Variants in SMAP2 observed in about 807,000 individuals in gnomAD.
The protein encoded by SMAP2 is small ArfGAP2.
A neutral mutation model predicts 56.4 loss-of-function variants in SMAP2; 25 were observed. That is an observed-to-expected ratio of 0.44 (90% CI 0.32 to 0.62). SMAP2 has a LOEUF of 0.62. SMAP2 is among the 20% of genes least tolerant of loss of function. SMAP2 has a pLI of 0.04. For synonymous variants in SMAP2, 157 were observed against 181.7 expected (o/e 0.86, Z 1.09); for missense variants, 388 against 545.6 (o/e 0.71, Z 2.88).
At chr1:40,401,499 T>C (rs1355827947) in intron 1 of SMAP2, among the ~76,000 whole-genome samples, 4 of 152,154 alleles carry the variant, frequency 2.6e-5, no homozygotes, top group African/African-American at 7.2e-5. Flanking sequence ...TCCTCCTCAA[T>C]ATTTATTTGT....
intron 9 of SMAP2, among the ~76,000 whole-genome samples, chr1:40,421,261 T>C (rs942102907): frequency 2.0e-5 from 3 of 152,188 alleles, no homozygotes; most frequent in Non-Finnish European, 4.4e-5. Context: ...AAATAACTTA[T>C]ATAGAAAATT....
At chr1:40,418,226 T>G (rs1350237623) in intron 9 of SMAP2, among the ~76,000 whole-genome samples, 1 of 151,822 alleles carries the variant, frequency 6.6e-6, no homozygotes, top group Non-Finnish European at 1.5e-5. Flanking sequence ...AGAAAAGAAA[T>G]TGAAGAAAAA....
At chr1:40,404,695 A>G (rs907252700) in intron 1 of SMAP2, among the ~76,000 whole-genome samples, 3 of 152,270 alleles carry the variant, frequency 2.0e-5, no homozygotes, top group Admixed American at 6.5e-5. Flanking sequence ...GCTTTAAGAA[A>G]CATGAAATAT....
At chr1:40,399,328 T>TA (rs1390471608) in intron 1 of SMAP2, among the ~76,000 whole-genome samples, 105 of 146,108 alleles carry the variant, frequency 7.2e-4, no homozygotes, top group Middle Eastern at 3.5e-3. Flanking sequence ...TTTTTTTTTT[T>TA]TTTGTATTTT....
At chr1:40,415,525 A>G (rs1644978489) in intron 7 of SMAP2, 144 bp downstream of exon 7, 2 of 679,932 alleles carry the variant, frequency 2.9e-6, no homozygotes, top group Non-Finnish European at 5.2e-6. Context: ...ACATTGTGTC[A>G]TTTCTGTCAC....
At chr1:40,377,458 G>A (rs1318995951) in intron 1 of SMAP2, among the ~76,000 whole-genome samples, 1 of 152,146 alleles carries the variant, frequency 6.6e-6, no homozygotes, top group African/African-American at 2.4e-5. Context: ...TGTGGGAAAG[G>A]AAACTGCTTT....
At chr1:40,384,198 G>A (rs913331781) in intron 1 of SMAP2, among the ~76,000 whole-genome samples, 1 of 152,136 alleles carries the variant, frequency 6.6e-6, no homozygotes, top group African/African-American at 2.4e-5. Flanking sequence ...CACCAAGGCC[G>A]GGCCTCAGCT....
At chr1:40,360,533 C>T (rs1644455527) in intron 1 of SMAP2, among the ~76,000 whole-genome samples, 3 of 150,502 alleles carry the variant, frequency 2.0e-5, no homozygotes, top group Non-Finnish European at 4.4e-5. Flanking sequence ...AAACTTCTGA[C>T]CTCAGGTCAT....
intron 1 of SMAP2, among the ~76,000 whole-genome samples, chr1:40,388,896 C>T (rs919066601): frequency 1.3e-5 from 2 of 152,112 alleles, no homozygotes; most frequent in Admixed American, 1.3e-4. Flanking sequence ...CCAGCGAGAC[C>T]ACGAACCCAC....
chr1:40,345,966 C>CTT (rs71060369), intron 1 of SMAP2, among the ~76,000 whole-genome samples: 6,626 of 35,260 alleles, frequency 0.19, 2,850 homozygotes, highest in Non-Finnish European at 0.4. Flanking sequence ...ATTTCTATCA[C>CTT]TTTTTTTTTT....
intron 1 of SMAP2, among the ~76,000 whole-genome samples, chr1:40,351,871 C>T (rs987519994): frequency 1.3e-5 from 2 of 151,994 alleles, no homozygotes; most frequent in African/African-American, 4.8e-5. Context: ...CTCTTGGCCT[C>T]AAGTGATCTA....
chr1:40,415,415 A>G, intron 7 of SMAP2, 34 bp downstream of exon 7: 1 of 1,334,608 alleles, frequency 7.5e-7, no homozygotes, highest in South Asian at 1.2e-5. Flanking sequence ...ATTAAAGAAC[A>G]TTCTGAAATG....
intron 1 of SMAP2, among the ~76,000 whole-genome samples, chr1:40,350,697 T>A (rs1644406402): frequency 6.6e-6 from 1 of 152,204 alleles, no homozygotes; most frequent in African/African-American, 2.4e-5. Flanking sequence ...CAAGGGCCTC[T>A]TGTGTCTATT....
intron 1 of SMAP2, among the ~76,000 whole-genome samples, chr1:40,397,590 C>T (rs751174287): frequency 3.3e-5 from 5 of 152,036 alleles, no homozygotes; most frequent in East Asian, 1.9e-4. Context: ...TGCTTATTGA[C>T]GAATTCATTT....
intron 6 of SMAP2, 84 bp from the exon 7 acceptor site, chr1:40,415,188 C>A: frequency 2.0e-6 from 2 of 1,004,592 alleles, no homozygotes; most frequent in Non-Finnish European, 3.1e-6. Flanking sequence ...AGCTTATGGG[C>A]CACCTTTGCT....
chr1:40,349,526 C>G (rs756339666), intron 1 of SMAP2, among the ~76,000 whole-genome samples: 1 of 151,884 alleles, frequency 6.6e-6, no homozygotes. Context: ...TTTTTTCTTT[C>G]TTTTTTCTTT....
rs950657587 is a variant in SMAP2, at chr1:40,386,948, G to C, written c.103+12725G>C. ...CTCAGCTCACTGCAGCCTCTATCAG[G>C]CTTAAGCAGTTCTTCTGTCTCAGCC... is the stretch of plus-strand genomic sequence containing the variant. On this transcript the variant is annotated intron_variant, in intron 1 of 9. Transcript: ENST00000372718. This position sits in a 1 kb window ranked among gnomAD's most constrained non-coding sequence, Gnocchi z 4.1. Among the ~76,000 whole-genome samples the C allele has an allele frequency of 1.3e-5, 2 of 151,228 alleles. No homozygotes were observed. The highest frequency in any genetic ancestry group is 6.6e-5 in the Admixed American group (1 of 15,140).
intron 1 of SMAP2, among the ~76,000 whole-genome samples, chr1:40,356,511 C>T (rs1029399517): frequency 3.7e-4 from 56 of 151,616 alleles, no homozygotes; most frequent in African/African-American, 1.2e-3. Flanking sequence ...CCCGGGTCCA[C>T]ACCATTCTCC....
chr1:40,353,571 T>C (rs1251281372), intron 1 of SMAP2, among the ~76,000 whole-genome samples: 1 of 152,080 alleles, frequency 6.6e-6, no homozygotes, highest in Non-Finnish European at 1.5e-5. Context: ...GTTTTCACCA[T>C]GTTGGCCAGG....
Sources: gnomAD v4.1 joint callset for allele counts (sites outside exome capture counted in the v4.1 genomes callset) on GRCh38, gnomAD v4.1.1 for gene constraint, Gnocchi (gnomAD v3.1) non-coding constraint, MANE v1.5 for transcripts, NCBI Gene and HGNC (gene_info 2026-07-23, HGNC 2026-07-21) for gene names.